The following LPP variants were observed in gnomAD, a reference collection of about 807,000 sequenced individuals.
The protein encoded by LPP is LIM domain containing preferred translocation partner in lipoma.
LPP carries 38 observed loss-of-function variants against 60.4 expected under a neutral mutation model. The observed-to-expected ratio is 0.63, with a 90% confidence interval of 0.49 to 0.83. The LOEUF is 0.83. Among genes scored for constraint, LPP ranks in the 40% least tolerant of loss-of-function variants. The probability of loss-of-function intolerance (pLI) is 0.00; values close to 1 mark genes in which losing one functional copy is unlikely to be tolerated. For synonymous variants in LPP, 328 were observed against 290.8 expected (o/e 1.13, Z -1.30); for missense variants, 902 against 783.6 (o/e 1.15, Z -1.80).
chr3:188,427,835 T>C (rs143813274), intron 4 of LPP, among the ~76,000 whole-genome samples: 3 of 152,262 alleles, frequency 2.0e-5, no homozygotes, highest in Admixed American at 6.5e-5. Context: ...CAGTGGATCT[T>C]AGCTTGCTGG....
rs113884293 is a variant in LPP, at chr3:188,367,212, G to A, written c.-10+25493G>A. On this transcript the variant is annotated intron_variant, in intron 3 of 11. Transcript: ENST00000617246. ...CACCTGGCCAGAAAGTTGATTCTTA[G>A]TTAAGCCTATGAATAGTTAGAAAAA... 1.3e-3 allele frequency among the ~76,000 whole-genome samples: 198 copies of A among 151,810 alleles called. 1 individual carries two copies. Among genetic ancestry groups the A allele is most frequent in the African/African-American group, 4.5e-3 (187 of 41,390 alleles).
chr3:188,287,273 A>G lies in LPP; in HGVS notation c.-66-54390A>G, dbSNP rs570524873. ...CTTGGCTTATAATATTCAAGTGTTC[A>G]TGGATACTGGGGCTTGCCATCCCCC... On this transcript the variant is annotated intron_variant, in intron 2 of 11. Coordinates refer to ENST00000617246, the MANE Select transcript of LPP (RefSeq NM_001375462.1). Among the ~76,000 whole-genome samples, 11 of 152,330 alleles carry G rather than the reference A, an allele frequency of 7.2e-5. No individual in the cohort carries two copies. The East Asian group carries it at 1.7e-3, about 24-fold the overall frequency.
intron 6 of LPP, among the ~76,000 whole-genome samples, chr3:188,526,102 T>C (rs988064529): frequency 2.0e-5 from 3 of 152,218 alleles, no homozygotes; most frequent in Admixed American, 2.0e-4. Context: ...GTCACTGTGC[T>C]GTTTGACTCT....
At chr3:188,259,682 T>C (rs527431631) in intron 2 of LPP, among the ~76,000 whole-genome samples, 5 of 152,346 alleles carry the variant, frequency 3.3e-5, no homozygotes, top group African/African-American at 1.2e-4. Flanking sequence ...TCCTAAATTA[T>C]TTTTCCCCCA....
intron 2 of LPP, among the ~76,000 whole-genome samples, chr3:188,237,949 T>C (rs1205063074): frequency 6.6e-6 from 1 of 152,254 alleles, no homozygotes; most frequent in Non-Finnish European, 1.5e-5. Flanking sequence ...CTGAAAGTCC[T>C]GGATGGCATC....
chr3:188,573,123 T>C (rs1833878884), intron 6 of LPP, among the ~76,000 whole-genome samples: 1 of 152,044 alleles, frequency 6.6e-6, no homozygotes, highest in Non-Finnish European at 1.5e-5. Context: ...GTAAGTGCTT[T>C]AGATGGGTAG....
chr3:188,472,641 T>C (rs1237118384), intron 4 of LPP: 2 of 152,160 alleles, frequency 1.3e-5, no homozygotes, highest in African/African-American at 4.8e-5. Context: ...TGGCCTCATG[T>C]AGCCATCCTT....
At chr3:188,363,772 G>A (rs1405281667) in intron 3 of LPP, among the ~76,000 whole-genome samples, 1 of 152,012 alleles carries the variant, frequency 6.6e-6, no homozygotes, top group African/African-American at 2.4e-5. Flanking sequence ...AGGCATGATG[G>A]CGGGCTCCTG....
intron 2 of LPP, among the ~76,000 whole-genome samples, chr3:188,293,768 AG>A (rs1375039435): frequency 1.3e-5 from 2 of 152,158 alleles, no homozygotes; most frequent in Non-Finnish European, 2.9e-5. Flanking sequence ...GCAAAGTGAA[AG>A]AAGCCAGTTA....
intron 4 of LPP, among the ~76,000 whole-genome samples, chr3:188,415,857 T>C (rs1786130181): frequency 1.3e-5 from 2 of 152,092 alleles, no homozygotes; most frequent in Non-Finnish European, 2.9e-5. Flanking sequence ...TGTACCTCAA[T>C]TGGAGTGATG....
intron 7 of LPP, among the ~76,000 whole-genome samples, chr3:188,689,082 G>C (rs773747758): frequency 3.9e-5 from 6 of 152,222 alleles, no homozygotes; most frequent in African/African-American, 7.2e-5. Context: ...CTCTGTGCCT[G>C]GTACATGGTA....
intron 6 of LPP, among the ~76,000 whole-genome samples, chr3:188,607,132 C>T (rs981937144): frequency 6.8e-6 from 1 of 146,572 alleles, no homozygotes; most frequent in Non-Finnish European, 1.5e-5. Context: ...CACACACACA[C>T]ACACACACAC....
At chr3:188,244,543 A>G (rs1203909616) in intron 2 of LPP, among the ~76,000 whole-genome samples, 2 of 152,158 alleles carry the variant, frequency 1.3e-5, no homozygotes, top group Non-Finnish European at 2.9e-5. Flanking sequence ...TTAGAAGACT[A>G]TGCCTCTCCT....
At chr3:188,384,585 AT>A (rs1455487310) in intron 3 of LPP, among the ~76,000 whole-genome samples, 1 of 151,890 alleles carries the variant, frequency 6.6e-6, no homozygotes, top group Non-Finnish European at 1.5e-5. Flanking sequence ...AGGTCAGGAG[AT>A]TGAGAGCATC....
intron 7 of LPP, among the ~76,000 whole-genome samples, chr3:188,693,290 A>G (rs1462468526): frequency 6.6e-6 from 1 of 152,136 alleles, no homozygotes; most frequent in East Asian, 1.9e-4. Flanking sequence ...TGATGTCTCA[A>G]TTTCCTAATC....
intron 7 of LPP, among the ~76,000 whole-genome samples, chr3:188,623,027 T>TAAAA (rs747020083): frequency 2.5e-5 from 2 of 79,452 alleles, no homozygotes; most frequent in African/African-American, 4.9e-5. Flanking sequence ...GACTCCATCT[T>TAAAA]AAAAAAAAAA....
At chr3:188,818,738 C>G (rs1321440670) in intron 9 of LPP, among the ~76,000 whole-genome samples, 2 of 152,122 alleles carry the variant, frequency 1.3e-5, no homozygotes, top group Non-Finnish European at 2.9e-5. Flanking sequence ...CTCTCCGAGG[C>G]TCAGTTTCTT....
rs932514400 is a variant in LPP, at chr3:188,610,706, C to T, written c.1113+862C>T. On this transcript the variant is annotated intron_variant, in intron 7 of 11. Coordinates refer to ENST00000617246, the MANE Select transcript of LPP (RefSeq NM_001375462.1). This position sits in a 1 kb window ranked among gnomAD's most constrained non-coding sequence, Gnocchi z 4.4. ...GTGTAATACTACACATGCCCACTCA[C>T]CACAACTTGGATTTTTCATTAGTAC... 2.6e-5 allele frequency among the ~76,000 whole-genome samples: 4 copies of T among 152,168 alleles called. No individual in the cohort carries two copies. Among genetic ancestry groups the T allele is most frequent in the Admixed American group, 6.5e-5 (1 of 15,282 alleles).
At chr3:188,696,242 T>TCTC in intron 7 of LPP, among the ~76,000 whole-genome samples, 2 of 152,306 alleles carry the variant, frequency 1.3e-5, no homozygotes, top group South Asian at 4.1e-4. Context: ...TCTCTCTCTC[T>TCTC]GTCTCTCTTA....
Sources: gnomAD v4.1 joint callset for allele counts (sites outside exome capture counted in the v4.1 genomes callset) on GRCh38, gnomAD v4.1.1 for gene constraint, Gnocchi (gnomAD v3.1) non-coding constraint, MANE v1.5 for transcripts, NCBI Gene and HGNC (gene_info 2026-07-23, HGNC 2026-07-21) for gene names.